HIVEP3: variants seen among roughly 807,000 people sequenced by gnomAD.
HIVEP3 encodes HIVEP zinc finger 3.
A neutral mutation model predicts 152.8 loss-of-function variants in HIVEP3; 49 were observed. That is an observed-to-expected ratio of 0.32 (90% CI 0.26 to 0.41). HIVEP3 has a LOEUF of 0.41. HIVEP3 is among the 10% of genes least tolerant of loss of function. The pLI, the probability that HIVEP3 is intolerant of heterozygous loss-of-function variation, is 1.00. For missense variants in HIVEP3, 2,790 were observed against 3,103.3 expected, an observed-to-expected ratio of 0.90 and a Z score of 2.40; for synonymous variants, 1,269 against 1,289.0, an observed-to-expected ratio of 0.98 and a Z score of 0.33.
At chr1:41,725,262 C>A (rs539697074) in intron 1 of HIVEP3, among the ~76,000 whole-genome samples, 1 of 152,310 alleles carries the variant, frequency 6.6e-6, no homozygotes, top group Admixed American at 6.5e-5. Context: ...CAGCTGGGCC[C>A]CTAACTGGTT....
At chr1:41,740,686 C>T (rs1048505177) in intron 1 of HIVEP3, among the ~76,000 whole-genome samples, 5 of 152,228 alleles carry the variant, frequency 3.3e-5, no homozygotes, top group African/African-American at 1.2e-4. Context: ...ATCCTGACAA[C>T]CAACGTGTGG....
intron 1 of HIVEP3, among the ~76,000 whole-genome samples, chr1:41,971,492 A>G (rs1213973472): frequency 6.6e-6 from 1 of 152,158 alleles, no homozygotes; most frequent in Non-Finnish European, 1.5e-5. Flanking sequence ...TTTCATGTCA[A>G]GGTACACACA....
intron 1 of HIVEP3, among the ~76,000 whole-genome samples, chr1:41,825,908 A>C (rs184321917): frequency 1.1e-4 from 16 of 152,038 alleles, no homozygotes; most frequent in African/African-American, 3.9e-4. Flanking sequence ...GCGTCTGGGG[A>C]GTCTCACTAT....
intron 1 of HIVEP3, among the ~76,000 whole-genome samples, chr1:41,734,718 A>G (rs1558222637): frequency 6.6e-6 from 1 of 152,212 alleles, no homozygotes; most frequent in Non-Finnish European, 1.5e-5. Context: ...CCAGAGACTC[A>G]GGAGCAGGAC....
At chr1:41,553,721 C>T (rs1643924080) in intron 5 of HIVEP3, among the ~76,000 whole-genome samples, 1 of 152,142 alleles carries the variant, frequency 6.6e-6, no homozygotes, top group African/African-American at 2.4e-5. Context: ...TCAGCATTTG[C>T]TTGTCTGTAA....
At chr1:41,684,510 C>T (rs976735537) in intron 2 of HIVEP3, among the ~76,000 whole-genome samples, 2 of 152,214 alleles carry the variant, frequency 1.3e-5, no homozygotes, top group South Asian at 4.1e-4. Context: ...TCTGGCTGAA[C>T]CTGTGCAGGC....
At chr1:41,800,551 G>A (rs1172250030) in intron 1 of HIVEP3, among the ~76,000 whole-genome samples, 1 of 152,230 alleles carries the variant, frequency 6.6e-6, no homozygotes, top group Non-Finnish European at 1.5e-5. Context: ...GCCCAGCCAA[G>A]ACCAGCAGAG....
chr1:41,622,686 G>A (rs927814520), intron 3 of HIVEP3, among the ~76,000 whole-genome samples: 5 of 152,186 alleles, frequency 3.3e-5, no homozygotes, highest in African/African-American at 1.2e-4. Context: ...GAAGCTATGG[G>A]TGGATTTTAA....
chr1:41,693,735 A>G (rs994923561), intron 2 of HIVEP3, among the ~76,000 whole-genome samples: 1 of 152,164 alleles, frequency 6.6e-6, no homozygotes, highest in Admixed American at 6.5e-5. Context: ...TGACACAAAT[A>G]TTCCCTCGTT....
At chr1:41,519,930 G>C (rs1642714050) in intron 6 of HIVEP3, among the ~76,000 whole-genome samples, 1 of 152,060 alleles carries the variant, frequency 6.6e-6, no homozygotes, top group Admixed American at 6.5e-5. Context: ...ATGAATGGAA[G>C]AATGGAAGAA....
At chr1:41,718,137 C>T (rs745558558) in intron 1 of HIVEP3, among the ~76,000 whole-genome samples, 18 of 152,198 alleles carry the variant, frequency 1.2e-4, no homozygotes, top group African/African-American at 3.6e-4. Context: ...GGCCCTTCAG[C>T]GGCATCCAGC....
At chr1:41,570,698 T>C (rs1644239663) in intron 5 of HIVEP3, among the ~76,000 whole-genome samples, 2 of 152,202 alleles carry the variant, frequency 1.3e-5, no homozygotes. Context: ...AAGGATTGAC[T>C]GTGTCAAATG....
At chr1:41,603,575 G>T (rs745899083) in intron 3 of HIVEP3, among the ~76,000 whole-genome samples, 3 of 151,858 alleles carry the variant, frequency 2.0e-5, no homozygotes, top group Non-Finnish European at 4.4e-5. Context: ...GGCCAAGCTG[G>T]TCTTGAACTC....
At chr1:41,945,022 C>A (rs559578749) in intron 1 of HIVEP3, among the ~76,000 whole-genome samples, 68 of 152,284 alleles carry the variant, frequency 4.5e-4, no homozygotes, top group African/African-American at 1.6e-3. Context: ...TAAATTATAA[C>A]CCCATCTTAC....
Position 41,524,928 on chromosome 1 carries a change from C to T in HIVEP3, c.5208-18G>A, listed in dbSNP as rs372899529. 43 of 1,603,886 alleles carry T rather than the reference C, an allele frequency of 2.7e-5. No homozygotes were observed. The highest frequency in any genetic ancestry group is 3.5e-5 in the Non-Finnish European group (41 of 1,173,164). ...ATTTGTACCTATGAGCAACAGGCGT[C>T]ATAGTAAAGGGAAAAAAAAGGAGAA... On this transcript the variant is annotated intron_variant, in intron 5 of 8. Transcript: ENST00000372583.
At chr1:41,837,410 T>C (rs953387527) in intron 1 of HIVEP3, among the ~76,000 whole-genome samples, 5 of 152,182 alleles carry the variant, frequency 3.3e-5, no homozygotes, top group Non-Finnish European at 7.3e-5. Flanking sequence ...CACTGCAACC[T>C]CCGCCTCCTA....
intron 3 of HIVEP3, among the ~76,000 whole-genome samples, chr1:41,615,815 C>CT (rs747478470): frequency 0.041 from 1,924 of 47,076 alleles, 350 homozygotes; most frequent in East Asian, 0.17. Context: ...TTTGACAAGT[C>CT]TTTTTTTTTT....
At position 41,687,012 on chromosome 1, in the gene HIVEP3, C is replaced by T. The variant is rs112827001; in HGVS notation, c.-721+13904G>A. On this transcript the variant is annotated intron_variant, in intron 2 of 8. Coordinates refer to ENST00000372583, the MANE Select transcript of HIVEP3 (RefSeq NM_024503.5). ...AAAGGTGAAGCAGAAAAAGGGAACA[C>T]GGAATGGGGGTGGTGGCAGTAGGAG... Among the ~76,000 whole-genome samples, 17 of 152,118 alleles carry T rather than the reference C, an allele frequency of 1.1e-4. 1 individual carries two copies. Among genetic ancestry groups the T allele is most frequent in the African/African-American group, 3.1e-4 (13 of 41,502 alleles).
chr1:41,506,884 G>A lies in HIVEP3; in HGVS notation c.*3567C>T, dbSNP rs1377961617. 1 of 151,008 alleles carries A rather than the reference G, an allele frequency of 6.6e-6. No individual in the cohort carries two copies. The highest frequency in any genetic ancestry group is 2.4e-5 in the African/African-American group (1 of 41,160). The allele number at this position is 151,008 out of a possible 1,614,324, so 9.4% of individuals were successfully genotyped here. ...CATTGTATTTTACATTTGCCTGCAC[G>A]TTTCTTTTTTCTGTTTCTTTTCTTT... On this transcript the variant is annotated 3_prime_UTR_variant, in exon 9 of 9. Coordinates refer to ENST00000372583, the MANE Select transcript of HIVEP3 (RefSeq NM_024503.5).
Sources: allele counts gnomAD v4.1 joint callset (sites outside exome capture counted in the v4.1 genomes callset), GRCh38; gene constraint gnomAD v4.1.1; transcripts MANE v1.5; gene names NCBI Gene and HGNC (gene_info 2026-07-23, HGNC 2026-07-21).